TMEM232: variants seen among roughly 807,000 people sequenced by gnomAD.
TMEM232 encodes transmembrane protein 232.
In TMEM232, 80 loss-of-function variants were observed where a neutral mutation model predicts 78.8. That is an observed-to-expected ratio of 1.01 (90% confidence interval 0.85 to 1.22). The LOEUF is 1.22. TMEM232 is among the 50% of genes most tolerant of loss of function. TMEM232 has a pLI of 0.00. For synonymous variants in TMEM232, 297 were observed against 254.3 expected (o/e 1.17, Z -1.60); for missense variants, 881 against 742.2 (o/e 1.19, Z -2.17).
At position 110,636,266 on chromosome 5, in the gene TMEM232, G is replaced by A. The variant is rs747248827; in HGVS notation, c.501+1932C>T. Among the ~76,000 whole-genome samples the A allele has an allele frequency of 3.0e-4, 46 of 151,914 alleles. 1 individual carries two copies. The highest frequency in any genetic ancestry group is 5.9e-4 in the Non-Finnish European group (40 of 67,850). On this transcript the variant is annotated intron_variant, in intron 5 of 13. Coordinates refer to ENST00000455884, the MANE Select transcript of TMEM232 (RefSeq NM_001039763.4). ...TTATAGATATCAGAGACTAAAAAGG[G>A]TGGGTAAATGGGAGGGGAAAATAAA...
At chr5:110,505,227 C>A (rs1396179364) in intron 12 of TMEM232, among the ~76,000 whole-genome samples, 1 of 152,116 alleles carries the variant, frequency 6.6e-6, no homozygotes, top group African/African-American at 2.4e-5. Flanking sequence ...AAGAAGGACA[C>A]TGGACCAAAG....
chr5:110,447,291 C>A (rs1759766237), intron 12 of TMEM232, among the ~76,000 whole-genome samples: 1 of 151,894 alleles, frequency 6.6e-6, no homozygotes, highest in African/African-American at 2.4e-5. Flanking sequence ...GAATAGAAAC[C>A]CGTCTCCTTA....
chr5:110,715,508 A>T (rs73228190), intron 1 of TMEM232, among the ~76,000 whole-genome samples: 4,117 of 152,296 alleles, frequency 0.027, 190 homozygotes, highest in African/African-American at 0.094. Flanking sequence ...TGGCTGTAGA[A>T]AGTTAGGAAG....
At chr5:110,534,037 C>T (rs1771949848) in intron 11 of TMEM232, among the ~76,000 whole-genome samples, 1 of 152,174 alleles carries the variant, frequency 6.6e-6, no homozygotes, top group South Asian at 2.1e-4. Flanking sequence ...AGGATTTGCC[C>T]CCGCCCAGGA....
At chr5:110,655,108 T>C (rs1283245848) in intron 2 of TMEM232, among the ~76,000 whole-genome samples, 1 of 151,682 alleles carries the variant, frequency 6.6e-6, no homozygotes, top group East Asian at 1.9e-4. Flanking sequence ...ACCATCAGAG[T>C]GAACAGGCAA....
At chr5:110,663,278 C>T (rs1790055686) in intron 2 of TMEM232, among the ~76,000 whole-genome samples, 2 of 151,916 alleles carry the variant, frequency 1.3e-5, no homozygotes, top group Admixed American at 1.3e-4. Context: ...ATTTTTAAGA[C>T]TTCCATATAA....
chr5:110,535,809 G>T (rs1282311617), intron 11 of TMEM232, among the ~76,000 whole-genome samples: 3 of 152,160 alleles, frequency 2.0e-5, no homozygotes, highest in Non-Finnish European at 2.9e-5. Context: ...ATTAATCTGT[G>T]AGGCAGGAGA....
chr5:110,482,649 GA>G (rs1328666569), intron 12 of TMEM232, among the ~76,000 whole-genome samples: 1 of 150,982 alleles, frequency 6.6e-6, no homozygotes, highest in African/African-American at 2.4e-5. Context: ...CAAAAGCAGA[GA>G]GAAGCAAATG....
intron 10 of TMEM232, among the ~76,000 whole-genome samples, chr5:110,589,409 A>G (rs1779232011): frequency 6.6e-6 from 1 of 152,144 alleles, no homozygotes; most frequent in Non-Finnish European, 1.5e-5. Flanking sequence ...AAATAATGCT[A>G]TAGGATAATG....
At chr5:110,602,727 C>G (rs1435180751) in intron 10 of TMEM232, among the ~76,000 whole-genome samples, 2 of 152,170 alleles carry the variant, frequency 1.3e-5, no homozygotes, top group Non-Finnish European at 2.9e-5. Context: ...TTGTGGAAGA[C>G]AGTGTGGAGA....
chr5:110,586,434 T>G (rs1778823953), intron 10 of TMEM232, among the ~76,000 whole-genome samples: 1 of 152,090 alleles, frequency 6.6e-6, no homozygotes, highest in Non-Finnish European at 1.5e-5. Flanking sequence ...TATGTGTGGT[T>G]ATGGTACTTA....
intron 12 of TMEM232, among the ~76,000 whole-genome samples, chr5:110,446,816 G>T (rs1759696934): frequency 6.6e-6 from 1 of 151,814 alleles, no homozygotes; most frequent in Non-Finnish European, 1.5e-5. Flanking sequence ...TGCTATGTTG[G>T]GTTTGCTGCA....
chr5:110,719,269 GTATA>G (rs528011957), intron 1 of TMEM232, among the ~76,000 whole-genome samples: 19 of 151,250 alleles, frequency 1.3e-4, no homozygotes, highest in African/African-American at 4.4e-4. Flanking sequence ...TATATGTGCT[GTATA>G]TATATATACA....
intron 8 of TMEM232, among the ~76,000 whole-genome samples, chr5:110,614,672 C>T (rs73783671): frequency 0.018 from 2,809 of 151,858 alleles, 106 homozygotes; most frequent in African/African-American, 0.065. Flanking sequence ...TAAATTTGAC[C>T]AAGTCACACA....
chr5:110,683,767 T>C (rs1793053725), intron 1 of TMEM232, among the ~76,000 whole-genome samples: 1 of 151,824 alleles, frequency 6.6e-6, no homozygotes, highest in African/African-American at 2.4e-5. Flanking sequence ...TTGGGAAATA[T>C]TACCTATTAA....
In TMEM232 at chr5:110,427,252, C is replaced by T. The variant is rs368420413; in HGVS notation, c.1704-2336G>A. ...CCCTCTGTTCTTCAGTTTCTTCATC[C>T]GTAATACTGAAAAATAATAGCACCT... On this transcript the variant is annotated intron_variant, in intron 12 of 13. Transcript: ENST00000455884. Among the ~76,000 whole-genome samples, 14 of 151,888 alleles carry T rather than the reference C, an allele frequency of 9.2e-5. No individual in the cohort carries two copies. The South Asian group carries it at 1.0e-3, about 11-fold the overall frequency.
chr5:110,676,450 C>T (rs1792036297), intron 1 of TMEM232, among the ~76,000 whole-genome samples: 1 of 151,308 alleles, frequency 6.6e-6, no homozygotes, highest in Admixed American at 6.6e-5. Context: ...GGCTGGAGTG[C>T]ACTGGCCGCG....
At chr5:110,706,117 T>G (rs955554856) in intron 1 of TMEM232, among the ~76,000 whole-genome samples, 1 of 152,026 alleles carries the variant, frequency 6.6e-6, no homozygotes, top group African/African-American at 2.4e-5. Context: ...TTTTGGGAAT[T>G]TGAACTCGAT....
At chr5:110,390,303 A>G (rs1186430367) in intron 4 of TMEM232, 2 of 152,190 alleles carry the variant, frequency 1.3e-5, no homozygotes, top group Admixed American at 1.3e-4. Flanking sequence ...ACTTGGCCAA[A>G]ACAATTTTCT....
Sources: gnomAD v4.1 joint callset for allele counts (sites outside exome capture counted in the v4.1 genomes callset) on GRCh38, gnomAD v4.1.1 for gene constraint, MANE v1.5 for transcripts, NCBI Gene and HGNC (gene_info 2026-07-23, HGNC 2026-07-21) for gene names.